The following CYB5R3 variants were observed in gnomAD, a reference collection of about 807,000 sequenced individuals.
CYB5R3 encodes the protein NADH-cytochrome b5 reductase 3.
A neutral mutation model predicts 36.5 loss-of-function variants in CYB5R3; 28 were observed. The ratio of observed to expected loss-of-function variants is 0.77; its 90% confidence interval spans 0.57 to 1.05. The LOEUF is 1.05. Ranked by LOEUF, CYB5R3 falls within the 50% of genes least tolerant of loss-of-function variation. The pLI is 0.00. For missense variants in CYB5R3, 474 were observed against 408.9 expected (o/e 1.16, Z -1.37); for synonymous variants, 181 against 159.8 (o/e 1.13, Z -1.00).
chr22:42,649,052 C>G (rs1384045237), intron 1 of CYB5R3, among the ~76,000 whole-genome samples: 1 of 152,200 alleles, frequency 6.6e-6, no homozygotes, highest in Non-Finnish European at 1.5e-5. Context: ...GGCTCTGGCG[C>G]GCCCCCCGGG....
intron 1 of CYB5R3, among the ~76,000 whole-genome samples, chr22:42,642,048 G>T (rs1216606657): frequency 6.6e-6 from 1 of 152,050 alleles, no homozygotes; most frequent in East Asian, 1.9e-4. Flanking sequence ...ATACTGTATA[G>T]AGAGAAATAA....
chr22:42,624,609 C>T (rs924744152), intron 7 of CYB5R3, among the ~76,000 whole-genome samples: 2 of 144,408 alleles, frequency 1.4e-5, no homozygotes, highest in African/African-American at 5.0e-5. Flanking sequence ...CCCCCACCCC[C>T]GTTCCACCTC....
chr22:42,623,798 C>T lies in CYB5R3; in HGVS notation c.724G>A (p.Ala242Thr). 6.2e-7 allele frequency: 1 copy of T among 1,614,064 alleles called. No individual in the cohort carries two copies. Among genetic ancestry groups the T allele is most frequent in the Non-Finnish European group, 8.5e-7 (1 of 1,179,900 alleles). Residue 242 changes from alanine (A) to threonine (T), a missense_variant, in exon 8 of 9, where the codon GCC becomes ACC. Coordinates refer to ENST00000352397, the MANE Select transcript of CYB5R3 (RefSeq NM_000398.7). ...RFKLWYTLDRAPEAWDYGQGF... is the reference protein window; with the variant it reads ...RFKLWYTLDRTPEAWDYGQGF... ...GGCCTCCCTCACTCACCTTCAGGGGCTCTGTCCAGCGTGTACCAGAGCTTG... is the reference window on the plus strand; with the variant it reads ...GGCCTCCCTCACTCACCTTCAGGGGTTCTGTCCAGCGTGTACCAGAGCTTG...
At chr22:42,643,376 G>C (rs1569327654) in intron 1 of CYB5R3, among the ~76,000 whole-genome samples, 1 of 152,150 alleles carries the variant, frequency 6.6e-6, no homozygotes, top group Non-Finnish European at 1.5e-5. Context: ...ACTACCAACT[G>C]AGAGGAGTGG....
chr22:42,648,666 GTGGGAGCCTGGCCTTGA>G (rs917790270), intron 1 of CYB5R3, among the ~76,000 whole-genome samples: 13 of 152,316 alleles, frequency 8.5e-5, no homozygotes, highest in African/African-American at 2.9e-4. Context: ...TGCAGGGTCA[GTGGGAGCCTGGCCTTGA>G]TGGGAGCCTG....
intron 8 of CYB5R3, among the ~76,000 whole-genome samples, chr22:42,623,086 T>C (rs906217212): frequency 1.3e-5 from 2 of 152,210 alleles, no homozygotes; most frequent in South Asian, 2.1e-4. Context: ...CTCTCAGCCC[T>C]GAAGCTAAAC....
chr22:42,639,327 A>T (rs1929099011), intron 1 of CYB5R3, among the ~76,000 whole-genome samples: 1 of 149,438 alleles, frequency 6.7e-6, no homozygotes, highest in Non-Finnish European at 1.5e-5. Context: ...CTGTCTCAAA[A>T]AAAAAAAAAG....
Position 42,628,139 on chromosome 22 carries a change from C to G in CYB5R3, c.463+13G>C. The G allele has an allele frequency of 6.2e-7, 1 of 1,613,750 alleles. No individual in the cohort carries two copies. Among genetic ancestry groups the G allele is most frequent in the Non-Finnish European group, 8.5e-7 (1 of 1,179,810 alleles). Reference sequence around the variant, plus strand: ...AGCCTGCCGTGTAACCAAGGGATTCCGACCCGAATCACCTTTGCCCTGGTA... The same window carrying G: ...AGCCTGCCGTGTAACCAAGGGATTCGGACCCGAATCACCTTTGCCCTGGTA... On this transcript the variant is annotated intron_variant, in intron 5 of 8. Transcript: ENST00000352397.
intron 4 of CYB5R3, among the ~76,000 whole-genome samples, chr22:42,630,558 G>T (rs1297282630): frequency 6.6e-6 from 1 of 152,224 alleles, no homozygotes; most frequent in Non-Finnish European, 1.5e-5. Flanking sequence ...TTGTTTGAAG[G>T]CACTTGCCCT....
intron 1 of CYB5R3, among the ~76,000 whole-genome samples, chr22:42,645,416 C>T (rs541029452): frequency 6.6e-6 from 1 of 152,294 alleles, no homozygotes; most frequent in East Asian, 1.9e-4. Context: ...GTCAGAAAAG[C>T]CCGCTTGTCC....
At chr22:42,643,233 A>G (rs931835073) in intron 1 of CYB5R3, among the ~76,000 whole-genome samples, 26 of 152,288 alleles carry the variant, frequency 1.7e-4, no homozygotes, top group African/African-American at 6.0e-4. Flanking sequence ...GTAAAAAGCG[A>G]GGGCCACTGC....
intron 2 of CYB5R3, among the ~76,000 whole-genome samples, chr22:42,634,620 T>A (rs1016580795): frequency 1.5e-4 from 21 of 143,810 alleles, no homozygotes; most frequent in Non-Finnish European, 2.7e-4. Context: ...CTAATTTTCA[T>A]ATTGATTGAT....
At chr22:42,643,614 A>G (rs1487792887) in intron 1 of CYB5R3, among the ~76,000 whole-genome samples, 2 of 152,004 alleles carry the variant, frequency 1.3e-5, no homozygotes, top group Non-Finnish European at 2.9e-5. Context: ...CCATGGGTCT[A>G]AAGGAAGGGC....
intron 5 of CYB5R3, 135 bp downstream of exon 5, chr22:42,628,017 C>T (rs1238992169): frequency 3.1e-6 from 4 of 1,309,568 alleles, no homozygotes; most frequent in African/African-American, 1.5e-5. Flanking sequence ...GACTCAGTTC[C>T]CAGAGAGGGA....
intron 4 of CYB5R3, 114 bp from the exon 5 acceptor site, chr22:42,628,395 G>A (rs921769150): frequency 6.2e-5 from 85 of 1,374,698 alleles, no homozygotes; most frequent in Non-Finnish European, 6.6e-5. Flanking sequence ...CCCACACATG[G>A]CCTTCTCCCG....
chr22:42,628,461 C>T (rs1441851074), intron 4 of CYB5R3, among the ~76,000 whole-genome samples, 180 bp from the exon 5 acceptor site: 1 of 152,216 alleles, frequency 6.6e-6, no homozygotes, highest in Non-Finnish European at 1.5e-5. Context: ...CCGTCCTTCA[C>T]CCCGTCCTCC....
In CYB5R3 at chr22:42,619,726, G is replaced by A. The variant is rs1040105842; in HGVS notation, c.*47C>T. 2.0e-6 allele frequency: 3 copies of A among 1,522,322 alleles called. No individual in the cohort carries two copies. The highest frequency in any genetic ancestry group is 2.4e-5 in the East Asian group (1 of 41,538). The allele number at this position is 1,522,322 out of a possible 1,614,324, so 94.3% of individuals were successfully genotyped here. On this transcript the variant is annotated 3_prime_UTR_variant, in exon 9 of 9. Coordinates refer to ENST00000352397, the MANE Select transcript of CYB5R3 (RefSeq NM_000398.7). ...GGAGGTGACTGGGTGAGCGTGAACA[G>A]GGCGTGGGGTGCGCGGGGCGGGTGG...
chr22:42,644,575 T>C (rs1006857356), intron 1 of CYB5R3: 1 of 1,525,096 alleles, frequency 6.6e-7, no homozygotes, highest in African/African-American at 1.4e-5. Flanking sequence ...ACCAGGCCCT[T>C]GGTAGACTTT....
intron 1 of CYB5R3, among the ~76,000 whole-genome samples, chr22:42,646,435 T>C (rs559605668): frequency 6.6e-6 from 1 of 152,236 alleles, no homozygotes; most frequent in South Asian, 2.1e-4. Context: ...AGGGGCTGCG[T>C]AGCTCTGCTC....
Sources: allele counts gnomAD v4.1 joint callset (sites outside exome capture counted in the v4.1 genomes callset), GRCh38; gene constraint gnomAD v4.1.1; transcripts MANE v1.5; gene names NCBI Gene and HGNC (gene_info 2026-07-23, HGNC 2026-07-21).